Variants in KIAA0319L observed in about 807,000 individuals in gnomAD.
The protein encoded by KIAA0319L is dyslexia-associated protein KIAA0319-like protein.
In KIAA0319L, 55 loss-of-function variants were observed where a neutral mutation model predicts 120.1. The ratio of observed to expected loss-of-function variants is 0.46; its 90% CI spans 0.37 to 0.57. The LOEUF is 0.57. Among genes scored for constraint, KIAA0319L ranks in the 20% least tolerant of loss-of-function variants. The probability of loss-of-function intolerance (pLI) is 0.00; values close to 1 mark genes in which losing one functional copy is unlikely to be tolerated. For synonymous variants in KIAA0319L, 398 were observed against 471.9 expected (o/e 0.84, Z 2.03); for missense variants, 1,049 against 1,255.3 (o/e 0.84, Z 2.48).
intron 17 of KIAA0319L, chr1:35,443,926 A>C (rs1238289925): frequency 1.1e-5 from 4 of 362,282 alleles, no homozygotes; most frequent in Non-Finnish European, 2.0e-5. Flanking sequence ...CAAAGATGTA[A>C]ATTTTTCCCC....
chr1:35,442,847 C>G, intron 18 of KIAA0319L, 59 bp downstream of exon 18: 1 of 1,607,366 alleles, frequency 6.2e-7, no homozygotes, highest in Admixed American at 1.7e-5. Flanking sequence ...CCCACCCACT[C>G]AGTGCAGAAC....
intron 2 of KIAA0319L, chr1:35,533,353 A>C (rs554304187): frequency 1.3e-5 from 2 of 152,336 alleles, no homozygotes; most frequent in South Asian, 4.1e-4. Context: ...TGATGGTGGA[A>C]ATAAGAGTAG....
At chr1:35,538,357 G>A (rs1332378996) in intron 2 of KIAA0319L, among the ~76,000 whole-genome samples, 9 of 152,034 alleles carry the variant, frequency 5.9e-5, no homozygotes, top group East Asian at 1.9e-4. Flanking sequence ...TTGGGAGGCC[G>A]AGGCTGGCGG....
intron 2 of KIAA0319L, among the ~76,000 whole-genome samples, chr1:35,529,878 A>C (rs1306911836): frequency 6.6e-6 from 1 of 151,462 alleles, no homozygotes; most frequent in Non-Finnish European, 1.5e-5. Context: ...TAAAGCTATT[A>C]TTTTGTTTAA....
At chr1:35,529,876 T>C (rs1646293864) in intron 2 of KIAA0319L, among the ~76,000 whole-genome samples, 1 of 152,216 alleles carries the variant, frequency 6.6e-6, no homozygotes, top group African/African-American at 2.4e-5. Context: ...TTTAAAGCTA[T>C]TATTTTGTTT....
At chr1:35,542,265 T>C (rs1646822342) in intron 2 of KIAA0319L, among the ~76,000 whole-genome samples, 1 of 152,248 alleles carries the variant, frequency 6.6e-6, no homozygotes, top group Admixed American at 6.5e-5. Context: ...AGAGGTACTG[T>C]CATTTCCATT....
At chr1:35,473,243 C>T (rs1435126839) in intron 5 of KIAA0319L, among the ~76,000 whole-genome samples, 2 of 150,890 alleles carry the variant, frequency 1.3e-5, no homozygotes, top group Non-Finnish European at 3.0e-5. Flanking sequence ...TTACAGGTGC[C>T]CACCACCACA....
Position 35,553,198 on chromosome 1 carries a change from T to C in KIAA0319L, c.142+1152A>G, listed in dbSNP as rs151028472. On this transcript the variant is annotated intron_variant, in intron 2 of 20. Coordinates refer to ENST00000325722, the MANE Select transcript of KIAA0319L (RefSeq NM_024874.5). ...GGCAGCTATGATGGCACCATCGCAC[T>C]CCAGCCTGGGTGACAAGACCCCATC... 4.1e-3 allele frequency among the ~76,000 whole-genome samples: 618 copies of C among 151,994 alleles called. 3 individuals are homozygous for C. Among genetic ancestry groups the C allele is most frequent in the Non-Finnish European group, 4.4e-3 (298 of 67,970 alleles).
intron 2 of KIAA0319L, among the ~76,000 whole-genome samples, chr1:35,546,321 C>T (rs529302357): frequency 7.2e-5 from 11 of 152,260 alleles, no homozygotes; most frequent in South Asian, 2.1e-4. Context: ...AGTGAGGAAA[C>T]GGTCTCAAGA....
chr1:35,482,293 T>A (rs183620237), intron 3 of KIAA0319L, among the ~76,000 whole-genome samples: 111 of 152,328 alleles, frequency 7.3e-4, no homozygotes, highest in African/African-American at 2.5e-3. Flanking sequence ...AATTCATTTC[T>A]TAGCATTGCT....
chr1:35,489,180 G>T (rs1291815760), intron 3 of KIAA0319L, among the ~76,000 whole-genome samples: 1 of 152,052 alleles, frequency 6.6e-6, no homozygotes, highest in African/African-American at 2.4e-5. Context: ...CTAAGTAGTA[G>T]TTAGGTAGGT....
intron 2 of KIAA0319L, among the ~76,000 whole-genome samples, chr1:35,514,193 T>C (rs537926291): frequency 4.6e-5 from 7 of 152,080 alleles, no homozygotes; most frequent in Non-Finnish European, 1.0e-4. Context: ...AGATGGAAAA[T>C]TGTTTACAAT....
intron 13 of KIAA0319L, among the ~76,000 whole-genome samples, 164 bp downstream of exon 13, chr1:35,451,464 A>G (rs1642057335): frequency 6.6e-6 from 1 of 152,082 alleles, no homozygotes; most frequent in South Asian, 2.1e-4. Flanking sequence ...TTACAGTCCA[A>G]TTAAAGGCTG....
chr1:35,450,060 G>T, intron 14 of KIAA0319L, 55 bp from the exon 15 acceptor site: 1 of 1,601,780 alleles, frequency 6.2e-7, no homozygotes, highest in Non-Finnish European at 8.5e-7. Context: ...TTCCTTTCCT[G>T]GAGTCAGTTG....
chr1:35,496,000 T>G (rs1644793087), intron 3 of KIAA0319L, among the ~76,000 whole-genome samples: 1 of 152,128 alleles, frequency 6.6e-6, no homozygotes, highest in South Asian at 2.1e-4. Flanking sequence ...ATTAAAAAGA[T>G]TCACCATACC....
At chr1:35,554,302 T>C in intron 2 of KIAA0319L, 48 bp downstream of exon 2, 1 of 1,430,820 alleles carries the variant, frequency 7.0e-7, no homozygotes, top group African/African-American at 1.5e-5. Context: ...TCACATAAAA[T>C]GCCCTTTTCT....
intron 2 of KIAA0319L, chr1:35,533,045 A>G (rs937572078): frequency 1.3e-5 from 2 of 152,234 alleles, no homozygotes; most frequent in Non-Finnish European, 2.9e-5. Flanking sequence ...CATAATTCCA[A>G]GTAGCAGAGT....
At chr1:35,557,124 G>C (rs1648214143) in intron 1 of KIAA0319L, 83 bp downstream of exon 1, 1 of 157,166 alleles carries the variant, frequency 6.4e-6, no homozygotes, top group Non-Finnish European at 1.4e-5. Context: ...GGCCAGCGCA[G>C]CCGCTGACAT....
In KIAA0319L at chr1:35,516,671, TCTTATTC is replaced by T. The variant is rs1558558382; in HGVS notation, c.143-9543_143-9537del. ...AGACAAGGATTCCCTCTTTTACGAATCTTATTCAACACAGTATTAGAAATCCTAGACA... is the reference window on the plus strand; with the variant it reads ...AGACAAGGATTCCCTCTTTTACGAATAACACAGTATTAGAAATCCTAGACA... On this transcript the variant is annotated intron_variant, in intron 2 of 20. Coordinates refer to ENST00000325722, the MANE Select transcript of KIAA0319L (RefSeq NM_024874.5). Among the ~76,000 whole-genome samples the T allele has an allele frequency of 7.2e-5, 11 of 152,300 alleles. No individual in the cohort carries two copies. The East Asian group carries it at 1.2e-3, about 16-fold the overall frequency.
Sources: gnomAD v4.1 joint callset for allele counts (sites outside exome capture counted in the v4.1 genomes callset) on GRCh38, gnomAD v4.1.1 for gene constraint, MANE v1.5 for transcripts, NCBI Gene and HGNC (gene_info 2026-07-23, HGNC 2026-07-21) for gene names.